Variants in BFSP2 observed in about 807,000 individuals in gnomAD.
BFSP2 encodes the protein phakinin.
Under a neutral mutation model 44.9 loss-of-function variants are expected in BFSP2, and 38 were observed. The observed-to-expected ratio is 0.85, with a 90% CI of 0.65 to 1.11. The LOEUF is 1.11. Among genes scored for constraint, BFSP2 ranks in the 50% least tolerant of loss-of-function variants. BFSP2 has a pLI of 0.00. For missense variants in BFSP2, 525 were observed against 533.0 expected (o/e 0.99, Z 0.15); for synonymous variants, 197 against 209.9 (o/e 0.94, Z 0.53).
At chr3:133,445,335 G>T (rs1188350331) in intron 1 of BFSP2, 1 of 152,384 alleles carries the variant, frequency 6.6e-6, no homozygotes, top group Non-Finnish European at 1.5e-5. Context: ...GTGAAACCGG[G>T]GTTCTCAAGG....
chr3:133,451,110 CAAAAAA>C (rs55964213), intron 4 of BFSP2, among the ~76,000 whole-genome samples: 1 of 95,098 alleles, frequency 1.1e-5, no homozygotes, highest in Non-Finnish European at 1.9e-5. Context: ...GACTCTGTCT[CAAAAAA>C]AAAAAAAAAA....
chr3:133,445,945 C>T (rs1461668973), intron 1 of BFSP2, among the ~76,000 whole-genome samples: 4 of 152,072 alleles, frequency 2.6e-5, no homozygotes, highest in African/African-American at 9.7e-5. Context: ...AATATTAGTC[C>T]TTTGATACTT....
intron 1 of BFSP2, among the ~76,000 whole-genome samples, chr3:133,431,496 A>T (rs2073717810): frequency 6.6e-6 from 1 of 152,110 alleles, no homozygotes; most frequent in South Asian, 2.1e-4. Context: ...CCCCACTGGA[A>T]ATCGGACTGT....
At chr3:133,425,851 A>AGGG in intron 1 of BFSP2, among the ~76,000 whole-genome samples, 7 of 124,632 alleles carry the variant, frequency 5.6e-5, no homozygotes, top group African/African-American at 2.3e-4. Context: ...AAAGAAGGGA[A>AGGG]AGGAAGGGAA....
intron 6 of BFSP2, 141 bp downstream of exon 6, chr3:133,472,706 AGC>A: frequency 1.1e-6 from 1 of 929,980 alleles, no homozygotes; most frequent in Non-Finnish European, 1.7e-6. Context: ...CCCACAGCCT[AGC>A]TGTGTCCTTC....
intron 1 of BFSP2, among the ~76,000 whole-genome samples, chr3:133,424,203 G>A (rs1194931567): frequency 8.1e-5 from 4 of 49,522 alleles, no homozygotes; most frequent in African/African-American, 2.2e-4. Context: ...CTACCACCGC[G>A]TCCAGCTAAT....
chr3:133,449,489 T>C (rs923767967), intron 3 of BFSP2, among the ~76,000 whole-genome samples: 1 of 134,558 alleles, frequency 7.4e-6, no homozygotes, highest in Non-Finnish European at 1.6e-5. Flanking sequence ...TACATATGTA[T>C]ACATGTGGTT....
chr3:133,405,981 T>C (rs747527581), intron 1 of BFSP2, among the ~76,000 whole-genome samples: 12 of 152,170 alleles, frequency 7.9e-5, no homozygotes, highest in Admixed American at 2.0e-4. Context: ...TTTTTTGATA[T>C]GGAGTCTCAC....
At chr3:133,438,465 G>A (rs1361739448) in intron 1 of BFSP2, among the ~76,000 whole-genome samples, 3 of 152,192 alleles carry the variant, frequency 2.0e-5, no homozygotes, top group Non-Finnish European at 2.9e-5. Context: ...AACCTGGGAG[G>A]CAGAGGTTGC....
At chr3:133,418,291 C>G (rs999299551) in intron 1 of BFSP2, among the ~76,000 whole-genome samples, 1 of 152,104 alleles carries the variant, frequency 6.6e-6, no homozygotes, top group African/African-American at 2.4e-5. Context: ...TAACCTTTCT[C>G]CAGCTCTGAG....
intron 1 of BFSP2, among the ~76,000 whole-genome samples, chr3:133,445,147 C>A (rs1385608104): frequency 2.6e-5 from 4 of 152,192 alleles, no homozygotes; most frequent in Admixed American, 2.6e-4. Context: ...AGAAAAGTTT[C>A]ATGGGGAAGC....
At position 133,450,395 on chromosome 3, in the gene BFSP2, G is replaced by C. The variant is rs777516079; in HGVS notation, c.822G>C (p.Thr274=). 6.2e-7 allele frequency: 1 copy of C among 1,614,158 alleles called. No individual in the cohort carries two copies. The highest frequency in any genetic ancestry group is 8.5e-7 in the Non-Finnish European group (1 of 1,180,028). The change falls in exon 4 of 7, where the codon ACG becomes ACC. Residue 274 remains threonine (T), a synonymous_variant. Coordinates refer to ENST00000302334, the MANE Select transcript of BFSP2 (RefSeq NM_003571.4). The stretch of plus-strand genomic sequence containing the variant: ...CTGGTCTGGACGACATCCTTGAGAC[G>C]ATCAGAATTCAGTGGGAGAGAGATG... ...IGTGLDDILE[T]IRIQWERDVE... is the part of the protein sequence containing the mutation.
At position 133,466,827 on chromosome 3, in the gene BFSP2, G is replaced by C; in HGVS notation, c.892-1G>C. ...TCACACTGAGACCTGACTCTCCACA[G>C]CAACAGGCGGAGGTGGCCCACATGT... On this transcript the variant is annotated splice_acceptor_variant, in intron 4 of 6. Coordinates refer to ENST00000302334, the MANE Select transcript of BFSP2 (RefSeq NM_003571.4). LOFTEE classifies it high-confidence loss of function. 1 of 1,613,462 alleles carries C rather than the reference G, an allele frequency of 6.2e-7. No individual in the cohort carries two copies.
chr3:133,433,314 G>C (rs892690659), intron 1 of BFSP2, among the ~76,000 whole-genome samples: 1 of 152,130 alleles, frequency 6.6e-6, no homozygotes, highest in Non-Finnish European at 1.5e-5. Context: ...GCAAAGGCAG[G>C]CTATGCTATA....
chr3:133,433,046 C>T (rs996535345), intron 1 of BFSP2, among the ~76,000 whole-genome samples: 2 of 152,192 alleles, frequency 1.3e-5, no homozygotes, highest in African/African-American at 2.4e-5. Context: ...TCATACCTGA[C>T]ACATATACTT....
At chr3:133,417,469 CCT>C (rs1390159363) in intron 1 of BFSP2, among the ~76,000 whole-genome samples, 61 of 126,952 alleles carry the variant, frequency 4.8e-4, no homozygotes, top group Non-Finnish European at 6.9e-4. Context: ...TCACCCCTAC[CCT>C]CTCCCCTCTA....
At chr3:133,444,445 CTG>C (rs1284627300) in intron 1 of BFSP2, among the ~76,000 whole-genome samples, 2 of 152,154 alleles carry the variant, frequency 1.3e-5, no homozygotes, top group African/African-American at 4.8e-5. Flanking sequence ...CTCTAAGCAA[CTG>C]ACCCATGCTT....
At chr3:133,414,129 C>G (rs2073483051) in intron 1 of BFSP2, among the ~76,000 whole-genome samples, 1 of 117,242 alleles carries the variant, frequency 8.5e-6, no homozygotes, top group Non-Finnish European at 1.8e-5. Flanking sequence ...CTCACCCCGT[C>G]CTCTCACCTT....
At chr3:133,459,145 G>A (rs1196864180) in intron 4 of BFSP2, among the ~76,000 whole-genome samples, 1 of 152,148 alleles carries the variant, frequency 6.6e-6, no homozygotes, top group Admixed American at 6.5e-5. Context: ...TTTGAGATCA[G>A]CCTGGGCAAC....
Sources: allele counts gnomAD v4.1 joint callset (sites outside exome capture counted in the v4.1 genomes callset), GRCh38; gene constraint gnomAD v4.1.1; transcripts MANE v1.5; gene names NCBI Gene and HGNC (gene_info 2026-07-23, HGNC 2026-07-21).